Variants in AGBL1 observed in about 807,000 individuals in gnomAD.
The protein encoded by AGBL1 is AGBL carboxypeptidase 1.
A neutral mutation model predicts 118.9 loss-of-function variants in AGBL1; 130 were observed. That is an observed-to-expected ratio of 1.09 (90% confidence interval 0.95 to 1.26). AGBL1 has a LOEUF of 1.26. AGBL1 is among the 50% of genes most tolerant of loss of function. The probability of loss-of-function intolerance (pLI) is 0.00; values close to 1 mark genes in which losing one functional copy is unlikely to be tolerated. For synonymous variants in AGBL1, 555 were observed against 478.9 expected (o/e 1.16, Z -2.08); for missense variants, 1,584 against 1,298.1 (o/e 1.22, Z -3.38).
chr15:86,087,061 A>G (rs1895705988), intron 1 of AGBL1, among the ~76,000 whole-genome samples: 1 of 152,210 alleles, frequency 6.6e-6, no homozygotes, highest in Admixed American at 6.5e-5. Context: ...TGGTAGCTCC[A>G]AAACAAATAT....
intron 22 of AGBL1, among the ~76,000 whole-genome samples, chr15:86,904,899 C>T (rs2080261180): frequency 6.6e-6 from 1 of 151,958 alleles, no homozygotes; most frequent in Non-Finnish European, 1.5e-5. Context: ...TCATTACATT[C>T]TAGGTGTTCT....
chr15:86,675,430 G>A (rs944492846), intron 22 of AGBL1, among the ~76,000 whole-genome samples: 2 of 152,166 alleles, frequency 1.3e-5, no homozygotes, highest in African/African-American at 4.8e-5. Flanking sequence ...TTGGAAGGCC[G>A]TGGTTTTTCT....
At position 86,479,842 on chromosome 15, in the gene AGBL1, C is replaced by G. The variant is rs545524847; in HGVS notation, c.2556-42968C>G. On this transcript the variant is annotated intron_variant, in intron 18 of 22. Transcript: ENST00000614907. Reference sequence around the variant, plus strand: ...AAAGACTTGGAACCAACCCAAATGTCCAAAAATGATAGACTGGATTAAGAA... The same window carrying G: ...AAAGACTTGGAACCAACCCAAATGTGCAAAAATGATAGACTGGATTAAGAA... 3.4e-3 allele frequency among the ~76,000 whole-genome samples: 520 copies of G among 152,184 alleles called. 6 individuals carry two copies. Among genetic ancestry groups the G allele is most frequent in the African/African-American group, 0.012 (498 of 41,510 alleles).
intron 22 of AGBL1, among the ~76,000 whole-genome samples, chr15:86,848,796 C>T (rs2079355892): frequency 6.6e-6 from 1 of 152,208 alleles, no homozygotes; most frequent in Non-Finnish European, 1.5e-5. Flanking sequence ...ATATATTTAT[C>T]TTTAAACTTT....
chr15:86,865,065 T>G (rs532618473), intron 22 of AGBL1, among the ~76,000 whole-genome samples: 1 of 152,314 alleles, frequency 6.6e-6, no homozygotes, highest in East Asian at 1.9e-4. Flanking sequence ...GTAGAATCCC[T>G]GGTACCCCTA....
At chr15:86,332,624 C>T (rs549820082) in intron 17 of AGBL1, among the ~76,000 whole-genome samples, 12 of 135,584 alleles carry the variant, frequency 8.9e-5, no homozygotes, top group East Asian at 2.1e-4. Flanking sequence ...CCAGCCTGGG[C>T]GACAGAGTGA....
intron 21 of AGBL1, among the ~76,000 whole-genome samples, chr15:86,559,484 C>T (rs2083782861): frequency 6.6e-6 from 1 of 152,114 alleles, no homozygotes; most frequent in African/African-American, 2.4e-5. Context: ...CTTGGAACAT[C>T]TTGGAAGACA....
intron 22 of AGBL1, among the ~76,000 whole-genome samples, chr15:86,755,132 T>C (rs184489989): frequency 1.3e-5 from 2 of 152,188 alleles, no homozygotes; most frequent in Non-Finnish European, 1.5e-5. Flanking sequence ...ACTACTTTCA[T>C]ACTTGTGTCT....
At position 86,311,363 on chromosome 15, in the gene AGBL1, T is replaced by C. The variant is rs142592456; in HGVS notation, c.2374+15955T>C. ...CTTCCATTAGAAAGAAAAATGAAAG[T>C]CTATTTTTTGTTTGCTATAATGGAT... On this transcript the variant is annotated intron_variant, in intron 17 of 22. Coordinates refer to ENST00000614907, the MANE Select transcript of AGBL1 (RefSeq NM_001386094.1). Among the ~76,000 whole-genome samples, 1,394 of 152,288 alleles carry C rather than the reference T, an allele frequency of 9.2e-3. 22 individuals carry two copies. Among genetic ancestry groups the C allele is most frequent in the African/African-American group, 0.032 (1,319 of 41,548 alleles).
intron 23 of AGBL1, among the ~76,000 whole-genome samples, chr15:86,976,763 A>T (rs72757473): frequency 0.04 from 6,081 of 152,092 alleles, 152 homozygotes; most frequent in Middle Eastern, 0.062. Context: ...TTATTACAAA[A>T]AGAGTGGAAT....
chr15:86,185,880 A>C (rs936174823), intron 5 of AGBL1, among the ~76,000 whole-genome samples: 3 of 152,170 alleles, frequency 2.0e-5, no homozygotes, highest in Non-Finnish European at 2.9e-5. Context: ...CGTTGTGCAC[A>C]TGTACCCTGG....
intron 22 of AGBL1, among the ~76,000 whole-genome samples, chr15:86,736,353 C>A (rs2077599100): frequency 6.6e-6 from 1 of 151,550 alleles, no homozygotes; most frequent in Non-Finnish European, 1.5e-5. Flanking sequence ...GCACTCCAGC[C>A]TGGGTGACAG....
chr15:86,203,319 T>C (rs756085466), intron 5 of AGBL1, among the ~76,000 whole-genome samples: 5 of 152,348 alleles, frequency 3.3e-5, no homozygotes, highest in Non-Finnish European at 7.4e-5. Flanking sequence ...GTTTTAAAGA[T>C]AGTCACAAAT....
At chr15:86,155,543 A>T (rs966447657) in intron 4 of AGBL1, among the ~76,000 whole-genome samples, 2 of 152,250 alleles carry the variant, frequency 1.3e-5, no homozygotes, top group African/African-American at 4.8e-5. Context: ...TTTTAATTCT[A>T]TTCCATATGG....
chr15:87,003,929 T>TG (rs1337928876), intron 24 of AGBL1, among the ~76,000 whole-genome samples: 3 of 148,628 alleles, frequency 2.0e-5, no homozygotes, highest in Non-Finnish European at 4.4e-5. Context: ...CTGGATTCAT[T>TG]GATTTTTTTG....
rs138185152 is a variant in AGBL1 at position 86,257,020 on chromosome 15, T to G, written c.901+2T>G. ...AACCTCCACATGATCTACCTGAAGG[T>G]AAAATAAGTTGGTAACTATGACCTT... On this transcript the variant is annotated splice_donor_variant, in intron 8 of 22. Coordinates refer to ENST00000614907, the MANE Select transcript of AGBL1 (RefSeq NM_001386094.1). LOFTEE classifies it high-confidence loss of function. 1,094 of 1,612,588 alleles carry G rather than the reference T, an allele frequency of 6.8e-4. 4 individuals carry two copies. The East Asian group carries it at 7.1e-3, about 11-fold the overall frequency.
intron 6 of AGBL1, among the ~76,000 whole-genome samples, chr15:86,247,059 A>C (rs2078732401): frequency 6.6e-6 from 1 of 152,200 alleles, no homozygotes; most frequent in Non-Finnish European, 1.5e-5. Flanking sequence ...CTAAAAACAA[A>C]AGTATTCTCT....
At chr15:86,523,833 A>C (rs931331754) in intron 19 of AGBL1, among the ~76,000 whole-genome samples, 2 of 152,216 alleles carry the variant, frequency 1.3e-5, no homozygotes, top group Non-Finnish European at 2.9e-5. Flanking sequence ...GGCTCAAGAT[A>C]ATAAAGAGAA....
intron 17 of AGBL1, among the ~76,000 whole-genome samples, chr15:86,360,657 G>T (rs572992548): frequency 6.6e-6 from 1 of 151,956 alleles, no homozygotes; most frequent in South Asian, 2.1e-4. Flanking sequence ...AACTCTGAAG[G>T]CTTCTGCTCC....
Sources: gnomAD v4.1 joint callset for allele counts (sites outside exome capture counted in the v4.1 genomes callset) on GRCh38, gnomAD v4.1.1 for gene constraint, MANE v1.5 for transcripts, NCBI Gene and HGNC (gene_info 2026-07-23, HGNC 2026-07-21) for gene names.